The following CAMK1G variants were observed in gnomAD, a reference collection of about 807,000 sequenced individuals.
CAMK1G encodes the protein calcium/calmodulin dependent protein kinase IG.
Under a neutral mutation model 54.8 loss-of-function variants are expected in CAMK1G, and 27 were observed. That is an observed-to-expected ratio of 0.49 (90% CI 0.36 to 0.68). The LOEUF (loss-of-function observed/expected upper bound fraction) is 0.68. CAMK1G is among the 30% of genes least tolerant of loss of function. CAMK1G has a pLI of 0.00. For missense variants in CAMK1G, 512 were observed against 591.0 expected, an observed-to-expected ratio of 0.87 and a Z score of 1.39; for synonymous variants, 238 against 224.9, an observed-to-expected ratio of 1.06 and a Z score of -0.52.
intron 2 of CAMK1G, among the ~76,000 whole-genome samples, chr1:209,597,518 C>G (rs538684828): frequency 2.6e-5 from 4 of 152,324 alleles, no homozygotes; most frequent in Non-Finnish European, 4.4e-5. Context: ...TGTCCCTGTT[C>G]CTCACTATTC....
At chr1:209,604,568 C>A (rs182538901) in intron 4 of CAMK1G, among the ~76,000 whole-genome samples, 2 of 152,266 alleles carry the variant, frequency 1.3e-5, no homozygotes, top group East Asian at 3.9e-4. Context: ...TCTTTTCCCT[C>A]ATCACTAGTT....
chr1:209,596,613 C>T (rs1665389147), intron 2 of CAMK1G, among the ~76,000 whole-genome samples: 1 of 151,414 alleles, frequency 6.6e-6, no homozygotes, highest in South Asian at 2.1e-4. Flanking sequence ...CTAAATTCAA[C>T]GTTGTTAACA....
chr1:209,589,947 T>C (rs993692094), intron 1 of CAMK1G, among the ~76,000 whole-genome samples: 2 of 152,170 alleles, frequency 1.3e-5, no homozygotes, highest in African/African-American at 4.8e-5. Flanking sequence ...TTCTTGAGAA[T>C]CTTGCTGTGC....
chr1:209,610,846 G>A (rs2102396610), intron 9 of CAMK1G, among the ~76,000 whole-genome samples: 1 of 152,214 alleles, frequency 6.6e-6, no homozygotes, highest in African/African-American at 2.4e-5. Context: ...ATTAGTAGTT[G>A]GCACAGTACT....
chr1:209,607,824 CA>C lies in CAMK1G; in HGVS notation c.560-33del, dbSNP rs1342040897. ...CCACCCCAAAGCCCTCTCCTCTTGC[CA>C]CCAGCCCTGACTCTGCCCTTGGTCT... On this transcript the variant is annotated intron_variant, in intron 6 of 12. Coordinates refer to ENST00000361322, the MANE Select transcript of CAMK1G (RefSeq NM_020439.3). 4.4e-6 allele frequency: 7 copies of C among 1,596,092 alleles called. No individual in the cohort carries two copies. In the South Asian group the frequency reaches 7.9e-5, roughly 18 times the overall value.
In CAMK1G at chr1:209,591,093, T is replaced by C. The variant is rs533289472; in HGVS notation, c.-29-3862T>C. Among the ~76,000 whole-genome samples, 3 of 152,056 alleles carry C rather than the reference T, an allele frequency of 2.0e-5. No homozygotes were observed. The East Asian group carries it at 5.8e-4, about 29-fold the overall frequency. ...CTGGCTAAAGATATCCCCCGACTCT[T>C]ATATTCTATCTTCCTCAGAGAGATC... On this transcript the variant is annotated intron_variant, in intron 1 of 12. Transcript: ENST00000361322.
intron 5 of CAMK1G, 98 bp from the exon 6 acceptor site, chr1:209,606,222 G>A (rs2102392729): frequency 1.3e-6 from 2 of 1,500,286 alleles, no homozygotes; most frequent in South Asian, 1.3e-5. Context: ...GAAGTCAGGA[G>A]CCCAGGGCTC....
Position 209,595,037 on chromosome 1 carries a change from C to T in CAMK1G, c.54C>T (p.Asn18=). 4.3e-6 allele frequency: 7 copies of T among 1,614,106 alleles called. No individual in the cohort carries two copies. The highest frequency in any genetic ancestry group is 5.9e-6 in the Non-Finnish European group (7 of 1,180,000). The change falls in exon 2 of 13, where the codon AAC becomes AAT. Residue 18 remains asparagine (N), a synonymous_variant. Coordinates refer to ENST00000361322, the MANE Select transcript of CAMK1G (RefSeq NM_020439.3). ...GTTCCTGGAAGAAACAGACCACCAACATCCGGAAAACCTTCATTTTTATGG... is the reference window on the plus strand; with the variant it reads ...GTTCCTGGAAGAAACAGACCACCAATATCCGGAAAACCTTCATTTTTATGG... ...DCSSWKKQTT[N]IRKTFIFMEV...
chr1:209,588,645 G>A (rs529721491), intron 1 of CAMK1G, among the ~76,000 whole-genome samples: 1 of 152,300 alleles, frequency 6.6e-6, no homozygotes, highest in East Asian at 1.9e-4. Flanking sequence ...GGGGTCATGA[G>A]GTGACCTGGC....
At chr1:209,606,750 C>G (rs765475626) in intron 6 of CAMK1G, among the ~76,000 whole-genome samples, 11 of 152,168 alleles carry the variant, frequency 7.2e-5, no homozygotes, top group Non-Finnish European at 1.5e-4. Context: ...CAGGGGCAGA[C>G]AAGATCACAA....
At chr1:209,596,919 T>C (rs955002465) in intron 2 of CAMK1G, among the ~76,000 whole-genome samples, 2 of 152,138 alleles carry the variant, frequency 1.3e-5, no homozygotes, top group African/African-American at 2.4e-5. Context: ...TTTTGGGAGA[T>C]AGGATGCAGC....
Position 209,612,149 on chromosome 1 carries a change from A to G in CAMK1G, c.1273A>G (p.Ile425Val), listed in dbSNP as rs754816814. ...TGGCTGCTGCTCCAGCTGCCTGAAC[A>G]TTGGGAGCAAAGGAAAGTCCTCCTA... The part of the protein sequence containing the change: ...PCGCCSSCLN[I>V]GSKGKSSYCS... Residue 425 changes from isoleucine (I) to valine (V), a missense_variant, in exon 11 of 13, where the codon ATT becomes GTT. Around this residue, in one of 3 missense-constraint regions of CAMK1G, gnomAD observed 315 missense variants for 330.5 expected, o/e 0.95. Coordinates refer to ENST00000361322, the MANE Select transcript of CAMK1G (RefSeq NM_020439.3). 2 of 1,614,104 alleles carry G rather than the reference A, an allele frequency of 1.2e-6. No homozygotes were observed. Among genetic ancestry groups the G allele is most frequent in the East Asian group, 2.2e-5 (1 of 44,906 alleles).
At chr1:209,596,069 A>G (rs1228672796) in intron 2 of CAMK1G, among the ~76,000 whole-genome samples, 1 of 152,212 alleles carries the variant, frequency 6.6e-6, no homozygotes, top group East Asian at 1.9e-4. Context: ...TCTGTCGCCA[A>G]TGTCACTTCA....
chr1:209,590,386 G>A (rs1665215784), intron 1 of CAMK1G, among the ~76,000 whole-genome samples: 1 of 152,182 alleles, frequency 6.6e-6, no homozygotes, highest in African/African-American at 2.4e-5. Flanking sequence ...AGCTATGGGG[G>A]TTTCAGATCT....
chr1:209,606,859 A>G (rs557726653), intron 6 of CAMK1G, among the ~76,000 whole-genome samples: 3 of 152,314 alleles, frequency 2.0e-5, no homozygotes, highest in African/African-American at 7.2e-5. Context: ...GGAGCCTGGA[A>G]GCACAGGATA....
At chr1:209,584,158 C>G (rs1217256342) in intron 1 of CAMK1G, among the ~76,000 whole-genome samples, 1 of 152,212 alleles carries the variant, frequency 6.6e-6, no homozygotes, top group Admixed American at 6.5e-5. Flanking sequence ...ACCTCCAACT[C>G]TCTTGCACCC....
intron 6 of CAMK1G, among the ~76,000 whole-genome samples, 195 bp downstream of exon 6, chr1:209,606,638 A>G (rs1665656860): frequency 6.6e-6 from 1 of 152,156 alleles, no homozygotes; most frequent in South Asian, 2.1e-4. Context: ...CAAATTCTAC[A>G]TTTTTAAAGA....
intron 1 of CAMK1G, among the ~76,000 whole-genome samples, chr1:209,585,883 C>T (rs911356427): frequency 8.5e-5 from 13 of 152,388 alleles, no homozygotes; most frequent in South Asian, 4.1e-4. Context: ...TGCAAACAGG[C>T]TGCGTGCCTG....
At chr1:209,602,827 A>G (rs1387686780) in intron 3 of CAMK1G, among the ~76,000 whole-genome samples, 1 of 152,210 alleles carries the variant, frequency 6.6e-6, no homozygotes, top group Non-Finnish European at 1.5e-5. Context: ...CTCAACCTGT[A>G]CTTTTTAAGT....
Sources: allele counts gnomAD v4.1 joint callset (sites outside exome capture counted in the v4.1 genomes callset), GRCh38; gene constraint gnomAD v4.1.1; regional missense constraint gnomAD v4.1.1; transcripts MANE v1.5; gene names NCBI Gene and HGNC (gene_info 2026-07-23, HGNC 2026-07-21).